ACTR1A: variants seen among roughly 807,000 people sequenced by gnomAD.
ACTR1A encodes the protein alpha-centractin.
A neutral mutation model predicts 50.7 loss-of-function variants in ACTR1A; 10 were observed. That is an observed-to-expected ratio of 0.20 (90% confidence interval 0.12 to 0.33). The LOEUF (loss-of-function observed/expected upper bound fraction) is 0.33. ACTR1A is among the 10% of genes least tolerant of loss of function. The pLI is 1.00. For synonymous variants in ACTR1A, 177 were observed against 184.2 expected (o/e 0.96, Z 0.32); for missense variants, 253 against 491.7 (o/e 0.51, Z 4.59).
chr10:102,482,225 C>T lies in ACTR1A; in HGVS notation c.751-50G>A, dbSNP rs746428545. ...GAGGTCGGAGCTGGGACCAAGGTCC[C>T]TTTGGGAGTGGGAATGGAAGACGCC... On this transcript the variant is annotated intron_variant, in intron 7 of 10. Coordinates refer to ENST00000369905, the MANE Select transcript of ACTR1A (RefSeq NM_005736.4). The surrounding 1 kb of genome is among the most constrained non-coding windows in gnomAD (Gnocchi z 5.6). 2 of 1,585,440 alleles carry T rather than the reference C, an allele frequency of 1.3e-6. No homozygotes were observed. Among genetic ancestry groups the T allele is most frequent in the African/African-American group, 1.3e-5 (1 of 74,324 alleles).
chr10:102,497,073 G>C (rs1187200808), intron 1 of ACTR1A, among the ~76,000 whole-genome samples: 4 of 151,872 alleles, frequency 2.6e-5, no homozygotes, highest in Admixed American at 6.6e-5. Context: ...CAACTACTCG[G>C]GAGGCTGAAG....
In ACTR1A at chr10:102,482,902, G is replaced by A; in HGVS notation, c.750+109C>T. ...CATGGGCCAGGGGTTGGACAAGCTTGGTGTAAAGGGACTGGCCTGCCAGAC... is the reference window on the plus strand; with the variant it reads ...CATGGGCCAGGGGTTGGACAAGCTTAGTGTAAAGGGACTGGCCTGCCAGAC... On this transcript the variant is annotated intron_variant, in intron 7 of 10. Coordinates refer to ENST00000369905, the MANE Select transcript of ACTR1A (RefSeq NM_005736.4). This position sits in a 1 kb window ranked among gnomAD's most constrained non-coding sequence, Gnocchi z 5.6. 1.1e-6 allele frequency: 1 copy of A among 883,108 alleles called. No homozygotes were observed. Among genetic ancestry groups the A allele is most frequent in the Admixed American group, 1.8e-5 (1 of 55,008 alleles). The allele number at this position is 883,108 out of a possible 1,614,324, so 54.7% of individuals were successfully genotyped here.
intron 1 of ACTR1A, among the ~76,000 whole-genome samples, chr10:102,499,039 G>A (rs1376566036): frequency 6.6e-6 from 1 of 152,106 alleles, no homozygotes; most frequent in Non-Finnish European, 1.5e-5. Context: ...GAAATGACTT[G>A]ATGCCAGAGT....
At chr10:102,500,055 A>G (rs1039791597) in intron 1 of ACTR1A, among the ~76,000 whole-genome samples, 3 of 152,158 alleles carry the variant, frequency 2.0e-5, no homozygotes, top group Non-Finnish European at 2.9e-5. Context: ...TTTTTTCCCA[A>G]CACCACTAAA....
chr10:102,489,571 T>C (rs1049002862), intron 2 of ACTR1A, among the ~76,000 whole-genome samples: 2 of 152,232 alleles, frequency 1.3e-5, no homozygotes, highest in African/African-American at 4.8e-5. Context: ...CCCAGCACTT[T>C]GGGAGGCTGA....
chr10:102,496,765 G>A (rs1384551049), intron 1 of ACTR1A, among the ~76,000 whole-genome samples: 2 of 152,160 alleles, frequency 1.3e-5, no homozygotes, highest in Non-Finnish European at 2.9e-5. Context: ...ATAACAAATT[G>A]TAAAAGAAAA....
intron 1 of ACTR1A, among the ~76,000 whole-genome samples, chr10:102,497,451 G>T (rs1028109635): frequency 1.3e-5 from 2 of 152,072 alleles, no homozygotes; most frequent in African/African-American, 4.8e-5. Flanking sequence ...AGGCATGGTG[G>T]CTTGCTCCTC....
At position 102,481,440 on chromosome 10, in the gene ACTR1A, C is replaced by T. The variant is rs558141285; in HGVS notation, c.988-268G>A. Among the ~76,000 whole-genome samples, 9 of 152,298 alleles carry T rather than the reference C, an allele frequency of 5.9e-5. 1 individual carries two copies. The South Asian group carries it at 8.3e-4, about 14-fold the overall frequency. On this transcript the variant is annotated intron_variant, in intron 9 of 10. Coordinates refer to ENST00000369905, the MANE Select transcript of ACTR1A (RefSeq NM_005736.4). Reference sequence around the variant, plus strand: ...ACTGTACTCCTTCCTTTAGGATCCCCGCTCTCCTCAGACAGCCAACCTCCT... The same window carrying T: ...ACTGTACTCCTTCCTTTAGGATCCCTGCTCTCCTCAGACAGCCAACCTCCT...
chr10:102,489,093 T>C lies in ACTR1A; in HGVS notation c.159A>G (p.Glu53=). ...KHVRVMAGAL[E]GDIFIGPKAE... ...CTTTGGGGCCAATGAAGATGTCGCC[T>C]TCAAGGGCTCCTGCCATGACACGAA... Residue 53 remains glutamate, a synonymous_variant, in exon 3 of 11, where the codon GAA becomes GAG. Coordinates refer to ENST00000369905, the MANE Select transcript of ACTR1A (RefSeq NM_005736.4). The C allele has an allele frequency of 1.3e-6, 2 of 1,589,354 alleles. No individual in the cohort carries two copies. Among genetic ancestry groups the C allele is most frequent in the Non-Finnish European group, 1.7e-6 (2 of 1,167,992 alleles).
intron 4 of ACTR1A, among the ~76,000 whole-genome samples, chr10:102,487,833 G>A (rs757219962): frequency 2.0e-5 from 3 of 151,930 alleles, no homozygotes; most frequent in Admixed American, 6.6e-5. Context: ...GGGTTTCACC[G>A]TGTTAGCCAG....
In ACTR1A at chr10:102,484,153, CACTT is replaced by C; in HGVS notation, c.657+3_657+6del. 1 of 1,613,972 alleles carries C rather than the reference CACTT, an allele frequency of 6.2e-7. No individual in the cohort carries two copies. Reference sequence around the variant, plus strand: ...CTCCATCCCTAGGCCCAGGGGGCAGCACTTACTTCTTTTATGGCCTTGACAATCT... The same window carrying C: ...CTCCATCCCTAGGCCCAGGGGGCAGCACTTCTTTTATGGCCTTGACAATCT... On this transcript the variant is annotated splice_donor_5th_base_variant and intron_variant, in intron 6 of 10. Coordinates refer to ENST00000369905, the MANE Select transcript of ACTR1A (RefSeq NM_005736.4).
chr10:102,484,559 C>T (rs888022151), intron 5 of ACTR1A, among the ~76,000 whole-genome samples, 183 bp from the exon 6 acceptor site: 5 of 152,128 alleles, frequency 3.3e-5, no homozygotes, highest in Non-Finnish European at 5.9e-5. Context: ...AATACCTGAA[C>T]GGAAGTTGCT....
At position 102,500,568 on chromosome 10, in the gene ACTR1A, A is replaced by AAAAC. The variant is rs1164496543; in HGVS notation, c.48+2028_48+2031dup. Among the ~76,000 whole-genome samples the AAAAC allele has an allele frequency of 2.1e-3, 209 of 99,174 alleles. 1 individual carries two copies. Among genetic ancestry groups the AAAAC allele is most frequent in the African/African-American group, 8.9e-3 (196 of 22,114 alleles). 65.1% of individuals were successfully genotyped at this position (99,174 alleles called of 152,430 possible). On this transcript the variant is annotated intron_variant, in intron 1 of 10. Transcript: ENST00000369905. ...TGGGCGACAGTGAGACTCCGTCTCA[A>AAAAC]AAACAAACAAACAAACAAACAAACA...
intron 6 of ACTR1A, chr10:102,483,623 G>A (rs1479864761): frequency 6.2e-6 from 1 of 161,460 alleles, no homozygotes; most frequent in Admixed American, 5.8e-5. Context: ...CAGATCACTT[G>A]TGGTCAGGAG....
chr10:102,479,594 G>C lies in ACTR1A; in HGVS notation c.*1269C>G. The C allele has an allele frequency of 7.8e-7, 1 of 1,289,054 alleles. No homozygotes were observed. 79.9% of individuals were successfully genotyped at this position (1,289,054 alleles called of 1,614,324 possible). ...TCAGGCCTGGCTCCATTAGCTCCTG[G>C]CACTCTGGTCTGGCCCACTCCCTCC... is the stretch of plus-strand genomic sequence containing the variant. On this transcript the variant is annotated 3_prime_UTR_variant, in exon 11 of 11. Coordinates refer to ENST00000369905, the MANE Select transcript of ACTR1A (RefSeq NM_005736.4). This position sits in a 1 kb window ranked among gnomAD's most constrained non-coding sequence, Gnocchi z 4.0.
At chr10:102,494,693 C>T (rs1220018043) in intron 1 of ACTR1A, among the ~76,000 whole-genome samples, 2 of 152,100 alleles carry the variant, frequency 1.3e-5, no homozygotes, top group Non-Finnish European at 2.9e-5. Context: ...CGGTGGCCCA[C>T]GCCTGTCACC....
Position 102,479,282 on chromosome 10 carries a change from T to C in ACTR1A, c.*1581A>G. 1 of 500,396 alleles carries C rather than the reference T, an allele frequency of 2.0e-6. No homozygotes were observed. The highest frequency in any genetic ancestry group is 3.4e-6 in the Non-Finnish European group (1 of 293,990). The allele number at this position is 500,396 out of a possible 1,614,324, so 31.0% of individuals were successfully genotyped here. A position where few individuals can be genotyped will look rare whatever the true frequency, so the allele number is the denominator to read the frequency against. ...CAGTACACTGGGCCCCACCAGGCAA[T>C]GTGGTTTGTGCGAGGCTGTGCGAGG... On this transcript the variant is annotated 3_prime_UTR_variant, in exon 11 of 11. Transcript: ENST00000369905. This position sits in a 1 kb window ranked among gnomAD's most constrained non-coding sequence, Gnocchi z 4.0.
chr10:102,485,811 C>T, intron 4 of ACTR1A, 78 bp from the exon 5 acceptor site: 1 of 1,582,306 alleles, frequency 6.3e-7, no homozygotes, highest in Non-Finnish European at 8.6e-7. Flanking sequence ...GAAGACCCTG[C>T]CTTGCTGGTT....
At position 102,480,618 on chromosome 10, in the gene ACTR1A, AGC is replaced by A; in HGVS notation, c.*243_*244del. The A allele has an allele frequency of 1.8e-6, 1 of 552,746 alleles. No individual in the cohort carries two copies. Among genetic ancestry groups the A allele is most frequent in the Admixed American group, 3.1e-5 (1 of 32,226 alleles). The allele number at this position is 552,746 out of a possible 1,614,324, so 34.2% of individuals were successfully genotyped here. ...CTGAGGAGGGAGCACAGCCTCTGCCAGCGCTCTTCCCTGTCAGGAGCCAGTTA... is the reference window on the plus strand; with the variant it reads ...CTGAGGAGGGAGCACAGCCTCTGCCAGCTCTTCCCTGTCAGGAGCCAGTTA... On this transcript the variant is annotated 3_prime_UTR_variant, in exon 11 of 11. Coordinates refer to ENST00000369905, the MANE Select transcript of ACTR1A (RefSeq NM_005736.4).
Sources: allele counts gnomAD v4.1 joint callset (sites outside exome capture counted in the v4.1 genomes callset), GRCh38; gene constraint gnomAD v4.1.1; non-coding constraint Gnocchi (gnomAD v3.1); transcripts MANE v1.5; gene names NCBI Gene and HGNC (gene_info 2026-07-23, HGNC 2026-07-21).